Variants in GABBR2 observed in about 807,000 individuals in gnomAD.
GABBR2 encodes the protein G-protein coupled receptor 51.
GABBR2 carries 23 observed loss-of-function variants against 105.6 expected under a neutral mutation model. That is an observed-to-expected ratio of 0.22 (90% CI 0.16 to 0.31). The LOEUF is 0.31. Ranked by LOEUF, GABBR2 falls within the 10% of genes least tolerant of loss-of-function variation. The probability of loss-of-function intolerance (pLI) is 1.00; values close to 1 mark genes in which losing one functional copy is unlikely to be tolerated. For synonymous variants in GABBR2, 478 were observed against 499.7 expected (o/e 0.96, Z 0.58); for missense variants, 734 against 1,245.5 (o/e 0.59, Z 6.18).
intron 7 of GABBR2, among the ~76,000 whole-genome samples, chr9:98,452,325 T>C (rs1183338064): frequency 1.3e-5 from 2 of 152,244 alleles, no homozygotes; most frequent in Non-Finnish European, 2.9e-5. Context: ...CCACTCAACG[T>C]ATTCTTCAGA....
At chr9:98,412,988 C>T (rs1296310331) in intron 7 of GABBR2, among the ~76,000 whole-genome samples, 2 of 152,170 alleles carry the variant, frequency 1.3e-5, no homozygotes, top group Non-Finnish European at 2.9e-5. Flanking sequence ...GACAATTTCC[C>T]CTGTATCTCT....
At chr9:98,648,257 G>A (rs896106071) in intron 1 of GABBR2, among the ~76,000 whole-genome samples, 3 of 151,942 alleles carry the variant, frequency 2.0e-5, no homozygotes, top group Non-Finnish European at 2.9e-5. Flanking sequence ...TCAGCCTCCT[G>A]AGTAGCTGGG....
At chr9:98,648,118 TAG>T (rs1228128400) in intron 1 of GABBR2, among the ~76,000 whole-genome samples, 44 of 142,128 alleles carry the variant, frequency 3.1e-4, no homozygotes, top group East Asian at 1.0e-3. Context: ...TGTGTGTGTA[TAG>T]ATAGATAGAT....
Position 98,490,074 on chromosome 9 carries a change from C to T in GABBR2, c.732+6339G>A, listed in dbSNP as rs754999485. Among the ~76,000 whole-genome samples, 68 of 152,178 alleles carry T rather than the reference C, an allele frequency of 4.5e-4. 1 individual carries two copies. Among genetic ancestry groups the T allele is most frequent in the Admixed American group, 1.2e-3 (18 of 15,284 alleles). ...TGCCACCGCACTCCAGCCTGGGCGA[C>T]AGAGCAACACACCTACACGCAAAGC... On this transcript the variant is annotated intron_variant, in intron 4 of 18. Transcript: ENST00000259455.
In GABBR2 at chr9:98,388,115, T is replaced by C. The variant is rs10120099; in HGVS notation, c.1529+739A>G. On this transcript the variant is annotated intron_variant, in intron 10 of 18. Transcript: ENST00000259455. This position sits in a 1 kb window ranked among gnomAD's most constrained non-coding sequence, Gnocchi z 4.4. ...GGACACCAAAGAAGCAAAATGCACT[T>C]GGTAAAAACCACCGCCTGGAGTGGC... Among the ~76,000 whole-genome samples, 22,693 of 152,230 alleles carry C rather than the reference T, an allele frequency of 0.15. 2,121 individuals carry two copies. Among genetic ancestry groups the C allele is most frequent in the African/African-American group, 0.26 (10,630 of 41,510 alleles).
At chr9:98,524,194 G>A (rs1391422778) in intron 3 of GABBR2, among the ~76,000 whole-genome samples, 1 of 152,110 alleles carries the variant, frequency 6.6e-6, no homozygotes, top group African/African-American at 2.4e-5. Flanking sequence ...GTAAAATCCT[G>A]GATGGTTTCA....
intron 13 of GABBR2, among the ~76,000 whole-genome samples, chr9:98,346,809 A>G (rs1261177907): frequency 6.6e-6 from 1 of 152,064 alleles, no homozygotes; most frequent in East Asian, 1.9e-4. Context: ...CTGCTTCCAG[A>G]TATGAGTGAG....
chr9:98,357,039 A>C (rs774305929), intron 13 of GABBR2, among the ~76,000 whole-genome samples: 3 of 152,258 alleles, frequency 2.0e-5, no homozygotes, highest in Non-Finnish European at 4.4e-5. Flanking sequence ...GGATTAGTAA[A>C]GCACAGAGGA....
intron 3 of GABBR2, among the ~76,000 whole-genome samples, chr9:98,506,187 GGAGCTTC>G (rs1827506472): frequency 6.6e-6 from 1 of 152,180 alleles, no homozygotes; most frequent in African/African-American, 2.4e-5. Flanking sequence ...CTGGCCTCAT[GGAGCTTC>G]AGTGGAGGGC....
In GABBR2 at chr9:98,337,309, G is replaced by GA. The variant is rs1213371528; in HGVS notation, c.1893+25405dup. Among the ~76,000 whole-genome samples the GA allele has an allele frequency of 5.3e-5, 8 of 151,476 alleles. No individual in the cohort carries two copies. In the South Asian group the frequency reaches 6.3e-4, roughly 12 times the overall value. On this transcript the variant is annotated intron_variant, in intron 13 of 18. Coordinates refer to ENST00000259455, the MANE Select transcript of GABBR2 (RefSeq NM_005458.8). ...GACAGAGTGAGACTCCATCTCGGAA[G>GA]AAAAAAAAATTGCTGAAAGAAATTA...
chr9:98,643,942 CG>C (rs1393962249), intron 1 of GABBR2, among the ~76,000 whole-genome samples: 5 of 152,178 alleles, frequency 3.3e-5, no homozygotes, highest in African/African-American at 4.8e-5. Context: ...CCTAAGCCTC[CG>C]GGGGCTAGCC....
At chr9:98,638,278 G>A (rs7048344) in intron 1 of GABBR2, among the ~76,000 whole-genome samples, 106,187 of 152,190 alleles carry the variant, frequency 0.7, 37,731 homozygotes, top group Middle Eastern at 0.83. Context: ...TATGGTCCAA[G>A]TCTGAAACCA....
chr9:98,660,188 T>C (rs979879282), intron 1 of GABBR2, among the ~76,000 whole-genome samples: 1 of 152,230 alleles, frequency 6.6e-6, no homozygotes, highest in African/African-American at 2.4e-5. Flanking sequence ...CTTTTCACTA[T>C]AATAGATAAT....
intron 1 of GABBR2, among the ~76,000 whole-genome samples, chr9:98,705,562 A>G (rs1830882590): frequency 6.6e-6 from 1 of 151,942 alleles, no homozygotes; most frequent in Non-Finnish European, 1.5e-5. Flanking sequence ...AAAGTCTACA[A>G]ACAATGTGAC....
intron 3 of GABBR2, among the ~76,000 whole-genome samples, chr9:98,498,335 A>G (rs999994770): frequency 1.3e-5 from 2 of 152,236 alleles, no homozygotes; most frequent in Non-Finnish European, 2.9e-5. Context: ...ACATGTGAAC[A>G]TACTGCTACT....
intron 1 of GABBR2, among the ~76,000 whole-genome samples, chr9:98,701,042 C>CATAT (rs1196604190): frequency 6.6e-6 from 1 of 152,174 alleles, no homozygotes. Flanking sequence ...TAACAAAAGA[C>CATAT]ATATATCCTA....
chr9:98,622,974 C>T (rs751886460), intron 1 of GABBR2, among the ~76,000 whole-genome samples: 5 of 152,120 alleles, frequency 3.3e-5, no homozygotes, highest in Admixed American at 2.0e-4. Flanking sequence ...GTGTCAATGT[C>T]GGTTCATCGA....
intron 13 of GABBR2, among the ~76,000 whole-genome samples, chr9:98,321,875 G>C (rs1830828012): frequency 6.6e-6 from 1 of 152,110 alleles, no homozygotes; most frequent in Admixed American, 6.5e-5. Flanking sequence ...TCTCTTGCAT[G>C]CTTTTGCCCC....
chr9:98,606,169 A>T (rs1197042981), intron 1 of GABBR2, among the ~76,000 whole-genome samples: 1 of 152,208 alleles, frequency 6.6e-6, no homozygotes, highest in Non-Finnish European at 1.5e-5. Context: ...AATCCAGTGT[A>T]TCATTGAGGG....
Sources: allele counts gnomAD v4.1 joint callset (sites outside exome capture counted in the v4.1 genomes callset), GRCh38; gene constraint gnomAD v4.1.1; non-coding constraint Gnocchi (gnomAD v3.1); transcripts MANE v1.5; gene names NCBI Gene and HGNC (gene_info 2026-07-23, HGNC 2026-07-21).